Variants in SPEF2 observed in about 807,000 individuals in gnomAD.
The protein encoded by SPEF2 is sperm flagellar and cilia associated 2.
Under a neutral mutation model 224.6 loss-of-function variants are expected in SPEF2, and 187 were observed. The observed-to-expected ratio is 0.83, with a 90% CI of 0.74 to 0.94. The LOEUF is 0.94. Ranked by LOEUF, SPEF2 falls within the 40% of genes least tolerant of loss-of-function variation. The pLI is 0.00. For synonymous variants in SPEF2, 715 were observed against 707.3 expected (o/e 1.01, Z -0.17); for missense variants, 2,170 against 2,135.6 (o/e 1.02, Z -0.32).
rs3219619 is a variant in SPEF2 at position 35,797,317 on chromosome 5, GGTGTGTGTGT to G, written c.4830+1558_4830+1567del. On this transcript the variant is annotated intron_variant, in intron 33 of 36. Transcript: ENST00000356031. ...TGTTATGGAACAAAGATGGCTGACGGGTGTGTGTGTGTGTGTGTGTGTGTGTGTGTGTGTG... is the reference window on the plus strand; with the variant it reads ...TGTTATGGAACAAAGATGGCTGACGGGTGTGTGTGTGTGTGTGTGTGTGTG... 1.9e-3 allele frequency among the ~76,000 whole-genome samples: 263 copies of G among 142,042 alleles called. 3 individuals carry two copies. Among genetic ancestry groups the G allele is most frequent in the African/African-American group, 3.0e-3 (106 of 35,412 alleles). 93.2% of individuals were successfully genotyped at this position (142,042 alleles called of 152,430 possible).
intron 30 of SPEF2, chr5:35,788,704 GAAC>G (rs1185779970): frequency 2.8e-6 from 2 of 702,988 alleles, no homozygotes; most frequent in East Asian, 2.7e-5. Context: ...TAGAGGGAGA[GAAC>G]AACGAGGTGG....
chr5:35,719,501 A>T (rs1580436378), intron 20 of SPEF2, among the ~76,000 whole-genome samples: 2 of 152,268 alleles, frequency 1.3e-5, no homozygotes, highest in East Asian at 3.9e-4. Flanking sequence ...CTCAGATAAG[A>T]CCTTTTAAAG....
intron 33 of SPEF2, among the ~76,000 whole-genome samples, chr5:35,798,962 C>A (rs756966315): frequency 6.6e-5 from 10 of 152,114 alleles, no homozygotes; most frequent in Non-Finnish European, 1.2e-4. Flanking sequence ...AAATTATTTT[C>A]CCACCTGTTA....
At position 35,656,597 on chromosome 5, in the gene SPEF2, G is replaced by T. The variant is rs112194516; in HGVS notation, c.978+1871G>T. Among the ~76,000 whole-genome samples, 689 of 152,300 alleles carry T rather than the reference G, an allele frequency of 4.5e-3. 1 individual carries two copies. The highest frequency in any genetic ancestry group is 0.015 in the African/African-American group (620 of 41,576). ...TATGTATGTTCCAAAGTACTTGTGT[G>T]TTGGCTGCAAGGTTTTTTCTCACTA... On this transcript the variant is annotated intron_variant, in intron 7 of 36. Transcript: ENST00000356031.
intron 2 of SPEF2, among the ~76,000 whole-genome samples, chr5:35,637,575 C>T (rs1221804679): frequency 2.0e-5 from 3 of 152,140 alleles, no homozygotes; most frequent in Non-Finnish European, 4.4e-5. Context: ...AACTGTATGA[C>T]ACAAAAGAAG....
chr5:35,628,156 CTAA>C (rs1744533816), intron 1 of SPEF2, among the ~76,000 whole-genome samples: 1 of 151,896 alleles, frequency 6.6e-6, no homozygotes, highest in Admixed American at 6.5e-5. Flanking sequence ...GTTTTTAGAT[CTAA>C]TGTTATTTAT....
At chr5:35,644,170 GTT>G (rs1378397406) in intron 3 of SPEF2, among the ~76,000 whole-genome samples, 183 bp from the exon 4 acceptor site, 1 of 152,088 alleles carries the variant, frequency 6.6e-6, no homozygotes, top group Non-Finnish European at 1.5e-5. Flanking sequence ...AAAGGATAAT[GTT>G]TTTATAATTG....
chr5:35,726,988 C>CA (rs1056466861), intron 20 of SPEF2, among the ~76,000 whole-genome samples: 12 of 79,002 alleles, frequency 1.5e-4, no homozygotes, highest in Non-Finnish European at 1.2e-4. Context: ...AAGCACCCCC[C>CA]CCCTTTCCTC....
intron 33 of SPEF2, among the ~76,000 whole-genome samples, chr5:35,799,248 G>A (rs945272235): frequency 6.6e-5 from 10 of 152,212 alleles, no homozygotes; most frequent in African/African-American, 2.4e-4. Flanking sequence ...AGACAGGGCT[G>A]CTTATGTGCC....
chr5:35,671,395 T>TA (rs1751202992), intron 10 of SPEF2: 17 of 968,776 alleles, frequency 1.8e-5, no homozygotes, highest in Non-Finnish European at 2.1e-5. Flanking sequence ...GAATTATTAT[T>TA]AAGGATTGAC....
At chr5:35,799,397 A>G (rs1757119902) in intron 33 of SPEF2, among the ~76,000 whole-genome samples, 1 of 152,218 alleles carries the variant, frequency 6.6e-6, no homozygotes, top group Admixed American at 6.5e-5. Context: ...ATTCAGAGTG[A>G]GAAAATTGCT....
chr5:35,797,435 G>C (rs1756832573), intron 33 of SPEF2, among the ~76,000 whole-genome samples: 1 of 151,730 alleles, frequency 6.6e-6, no homozygotes. Flanking sequence ...GAGACTCAAT[G>C]CTCAGAAGTT....
In SPEF2 at chr5:35,803,825, A is replaced by T. The variant is rs905322399; in HGVS notation, c.5011-2882A>T. On this transcript the variant is annotated intron_variant, in intron 34 of 36. Transcript: ENST00000356031. ...CAACTGGAAATCTCCCCAGCATTTC[A>T]TTCTTCTTTACTCTATTTCTGCTAT... Among the ~76,000 whole-genome samples, 4 of 152,340 alleles carry T rather than the reference A, an allele frequency of 2.6e-5. No homozygotes were observed. The South Asian group carries it at 6.2e-4, about 24-fold the overall frequency.
intron 24 of SPEF2, among the ~76,000 whole-genome samples, chr5:35,757,088 T>TTGTTTTTAATAACTATTAAAAATAC (rs1750564109): frequency 6.6e-6 from 1 of 152,040 alleles, no homozygotes; most frequent in Non-Finnish European, 1.5e-5. Flanking sequence ...ATTAAAAATA[T>TTGTTTTTAATAACTATTAAAAATAC]TGTTTACTAG....
chr5:35,712,861 A>G lies in SPEF2; in HGVS notation c.2889A>G (p.Lys963=), dbSNP rs1460216353. Residue 963 remains lysine (K), a synonymous_variant, in exon 20 of 37, where the codon AAA becomes AAG. Transcript: ENST00000356031. Reference sequence around the variant, plus strand: ...CTCTTCAGGAAGGAAAAGGGAAGAAAGGTGAGACCGCACTCAAAAGAAAAG... The same window carrying G: ...CTCTTCAGGAAGGAAAAGGGAAGAAGGGTGAGACCGCACTCAAAAGAAAAG... The part of the protein sequence containing the change: ...QESLQEGKGK[K]GETALKRKGS... The G allele has an allele frequency of 5.0e-6, 8 of 1,613,836 alleles. No homozygotes were observed. Among genetic ancestry groups the G allele is most frequent in the Non-Finnish European group, 6.8e-6 (8 of 1,179,932 alleles).
At position 35,646,779 on chromosome 5, in the gene SPEF2, A is replaced by G. The variant is rs1468214839; in HGVS notation, c.698A>G (p.Lys233Arg). Residue 233 changes from lysine (K) to arginine (R), a missense_variant, in exon 5 of 37, where the codon AAA (lysine) becomes AGA (arginine). Coordinates refer to ENST00000356031, the MANE Select transcript of SPEF2 (RefSeq NM_024867.4). ...NRTLKALEAQ[K>R]MMKKKKEAED... The stretch of plus-strand genomic sequence containing the variant: ...ACTTTGAAAGCACTCGAGGCCCAAA[A>G]AATGATGAAAAAGAAAAAAGAGGCA... 6.2e-7 allele frequency: 1 copy of G among 1,613,944 alleles called. No homozygotes were observed. Among genetic ancestry groups the G allele is most frequent in the South Asian group, 1.1e-5 (1 of 91,062 alleles).
intron 20 of SPEF2, among the ~76,000 whole-genome samples, chr5:35,718,505 G>C (rs1369996653): frequency 2.0e-5 from 3 of 152,104 alleles, no homozygotes; most frequent in Non-Finnish European, 4.4e-5. Flanking sequence ...GGTACATGAA[G>C]GAGAGGGAAG....
At position 35,695,767 on chromosome 5, in the gene SPEF2, G is replaced by A. The variant is rs766582548; in HGVS notation, c.2008G>A (p.Glu670Lys). Residue 670 changes from glutamate to lysine, a missense_variant, in exon 14 of 37, where the codon GAA becomes AAA. Glu to Lys is a moderately conservative substitution (Grantham distance 56). Transcript: ENST00000356031. ...TGCTGATAAAACACCAAAAGCTGAAGAAGTCAAATCAAGTGATAGTTTCTT... is the reference window on the plus strand; with the variant it reads ...TGCTGATAAAACACCAAAAGCTGAAAAAGTCAAATCAAGTGATAGTTTCTT... ...ANADKTPKAE[E>K]VKSSDSFLKL... The A allele has an allele frequency of 4.3e-6, 7 of 1,610,370 alleles. No individual in the cohort carries two copies. In the Admixed American group the frequency reaches 1.0e-4, roughly 23 times the overall value.
At chr5:35,659,498 A>G (rs1229972044) in intron 8 of SPEF2, among the ~76,000 whole-genome samples, 1 of 152,114 alleles carries the variant, frequency 6.6e-6, no homozygotes, top group Non-Finnish European at 1.5e-5. Flanking sequence ...GATTGTCTGA[A>G]GCTCTTTCTC....
Sources: allele counts gnomAD v4.1 joint callset (sites outside exome capture counted in the v4.1 genomes callset), GRCh38; gene constraint gnomAD v4.1.1; transcripts MANE v1.5; gene names NCBI Gene and HGNC (gene_info 2026-07-23, HGNC 2026-07-21).